ZNF518A: variants seen among roughly 807,000 people sequenced by gnomAD.
ZNF518A encodes the protein zinc finger protein 518.
A neutral mutation model predicts 102.7 loss-of-function variants in ZNF518A; 47 were observed. That is an observed-to-expected ratio of 0.46 (90% CI 0.36 to 0.58). The LOEUF (loss-of-function observed/expected upper bound fraction) is 0.58, where lower values mean the gene tolerates loss of function less well. Ranked by LOEUF, ZNF518A falls within the 20% of genes least tolerant of loss-of-function variation. ZNF518A has a pLI of 0.00. For synonymous variants in ZNF518A, 652 were observed against 594.6 expected (o/e 1.10, Z -1.40); for missense variants, 1,793 against 1,699.8 (o/e 1.05, Z -0.96).
rs782416514 is a variant in ZNF518A at position 96,158,950 on chromosome 10, G to A, written c.2628G>A (p.Glu876=). The change falls in exon 6 of 6, where the codon GAG becomes GAA. Residue 876 remains glutamate (E), a synonymous_variant. Coordinates refer to ENST00000316045, the MANE Select transcript of ZNF518A (RefSeq NM_001330736.2). ...SSIPQDVRDS[E]KMPRISGFGT... ...TACCACAAGATGTGAGAGATTCAGA[G>A]AAGATGCCTAGAATTTCAGGTTTTG... 1.4e-5 allele frequency: 22 copies of A among 1,613,564 alleles called. No homozygotes were observed. The highest frequency in any genetic ancestry group is 2.2e-5 in the East Asian group (1 of 44,878).
chr10:96,186,871 G>A (rs2083274874), intron 1 of ZNF518A, among the ~76,000 whole-genome samples: 1 of 152,060 alleles, frequency 6.6e-6, no homozygotes, highest in Non-Finnish European at 1.5e-5. Context: ...TTACTTTTAG[G>A]GTCATTCACA....
intron 1 of ZNF518A, among the ~76,000 whole-genome samples, chr10:96,186,873 T>C (rs2083274893): frequency 6.6e-6 from 1 of 152,202 alleles, no homozygotes; most frequent in African/African-American, 2.4e-5. Flanking sequence ...ACTTTTAGGG[T>C]CATTCACATA....
intron 1 of ZNF518A, among the ~76,000 whole-genome samples, chr10:96,180,496 TC>T (rs1554891923): frequency 7.0e-6 from 1 of 143,868 alleles, no homozygotes; most frequent in African/African-American, 2.5e-5. Context: ...CCCTCCCTCC[TC>T]CCCCCACCCC....
chr10:96,160,726 G>A lies in ZNF518A; in HGVS notation c.4404G>A (p.Gly1468=), dbSNP rs782100314. 1 of 1,605,266 alleles carries A rather than the reference G, an allele frequency of 6.2e-7. No individual in the cohort carries two copies. Among genetic ancestry groups the A allele is most frequent in the East Asian group, 2.2e-5 (1 of 44,812 alleles). ...ATCAGGATACTTGGGCTGGTCATGG[G>A]CAGAGACATTTAATGGAAGCTACTC... The part of the protein sequence containing the change: ...FDNQDTWAGH[G]QRHLMEATRD... The change falls in exon 6 of 6, where the codon GGG becomes GGA. Residue 1468 remains glycine, a synonymous_variant. Coordinates refer to ENST00000316045, the MANE Select transcript of ZNF518A (RefSeq NM_001330736.2).
intron 1 of ZNF518A, among the ~76,000 whole-genome samples, chr10:96,171,711 C>G (rs1285857480): frequency 1.3e-5 from 2 of 151,968 alleles, no homozygotes; most frequent in Non-Finnish European, 2.9e-5. Context: ...ATGTGGGACA[C>G]CATTAAGGGC....
intron 3 of ZNF518A, among the ~76,000 whole-genome samples, chr10:96,139,817 T>C (rs2081821208): frequency 6.6e-6 from 1 of 152,046 alleles, no homozygotes; most frequent in African/African-American, 2.4e-5. Flanking sequence ...TGACAGTGGA[T>C]AGGAAGAGAG....
intron 3 of ZNF518A, among the ~76,000 whole-genome samples, chr10:96,139,436 G>A: frequency 6.6e-6 from 1 of 152,118 alleles, no homozygotes; most frequent in Non-Finnish European, 1.5e-5. Flanking sequence ...CCTTATAAAA[G>A]AGACCCCAGA....
intron 3 of ZNF518A, among the ~76,000 whole-genome samples, chr10:96,152,082 C>T (rs781996982): frequency 4.6e-5 from 7 of 152,188 alleles, no homozygotes; most frequent in East Asian, 1.9e-4. Flanking sequence ...GAGGCCAAGG[C>T]GAGTGGATCG....
chr10:96,178,140 T>C (rs1554891688), intron 1 of ZNF518A, among the ~76,000 whole-genome samples: 2 of 152,134 alleles, frequency 1.3e-5, no homozygotes, highest in African/African-American at 4.8e-5. Context: ...TAAATGATTT[T>C]ACAGAACATT....
intron 3 of ZNF518A, among the ~76,000 whole-genome samples, chr10:96,146,309 G>C (rs1157685607): frequency 6.6e-6 from 1 of 152,152 alleles, no homozygotes; most frequent in Non-Finnish European, 1.5e-5. Context: ...TGCATTTCTA[G>C]AAGTGAATCA....
chr10:96,154,332 C>A (rs587751326), intron 3 of ZNF518A, among the ~76,000 whole-genome samples: 1 of 152,180 alleles, frequency 6.6e-6, no homozygotes, highest in Admixed American at 6.5e-5. Context: ...GAGACCCTGT[C>A]ATCAATCTTT....
Position 96,157,772 on chromosome 10 carries a change from T to C in ZNF518A, c.1450T>C (p.Leu484=), listed in dbSNP as rs2082767894. The change falls in exon 6 of 6, where the codon TTG becomes CTG. Residue 484 remains leucine (L), a synonymous_variant. Transcript: ENST00000316045. The part of the protein sequence containing the change: ...SGAAKDGTAN[L]QPQTLDTNGF... ...TGCTGCAAAGGACGGTACTGCTAAT[T>C]TGCAGCCCCAGACTTTGGACACTAA... is the stretch of plus-strand genomic sequence containing the variant. 2 of 1,613,870 alleles carry C rather than the reference T, an allele frequency of 1.2e-6. No individual in the cohort carries two copies. The highest frequency in any genetic ancestry group is 2.7e-5 in the African/African-American group (2 of 75,044).
chr10:96,135,037 A>G (rs1402183420), intron 3 of ZNF518A: 1 of 152,102 alleles, frequency 6.6e-6, no homozygotes, highest in Admixed American at 6.5e-5. Context: ...TTATAACCTG[A>G]GCTTGGTCAT....
rs2083727292 is a variant in ZNF518A at position 96,204,002 on chromosome 10, C to T, written n.173C>T. On this transcript the variant is annotated non_coding_transcript_exon_variant, in exon 3 of 3. Coordinates refer to the ZNF518A transcript ENST00000442635. ...TGTTAGAACCCAGGCCTATCAGACT[C>T]TAGGATCCAGCCTCGACCACTCCCT... 2.0e-6 allele frequency: 3 copies of T among 1,504,980 alleles called. No homozygotes were observed. The African/African-American group carries it at 4.1e-5, about 21-fold the overall frequency. The allele number at this position is 1,504,980 out of a possible 1,614,324, so 93.2% of individuals were successfully genotyped here. A position where few individuals can be genotyped will look rare whatever the true frequency, so the allele number is the denominator to read the frequency against.
chr10:96,170,076 G>A (rs1419536503), intron 1 of ZNF518A, among the ~76,000 whole-genome samples: 1 of 152,222 alleles, frequency 6.6e-6, no homozygotes, highest in Admixed American at 6.5e-5. Context: ...GTTGGCCATT[G>A]TGAGAGTTTA....
At chr10:96,177,163 G>T (rs34999669) in intron 1 of ZNF518A, among the ~76,000 whole-genome samples, 55,465 of 151,646 alleles carry the variant, frequency 0.37, 11,484 homozygotes, top group Middle Eastern at 0.54. Context: ...ACACATATGT[G>T]TTGAGAAACA....
chr10:96,178,254 A>G (rs1345349382), intron 1 of ZNF518A, among the ~76,000 whole-genome samples: 1 of 152,142 alleles, frequency 6.6e-6, no homozygotes, highest in Non-Finnish European at 1.5e-5. Flanking sequence ...CATGCAGAGT[A>G]TGTTATATCC....
At chr10:96,177,366 C>T (rs781911206) in intron 1 of ZNF518A, among the ~76,000 whole-genome samples, 39 of 152,248 alleles carry the variant, frequency 2.6e-4, no homozygotes, top group East Asian at 9.6e-4. Context: ...AGCACAACTG[C>T]GCTACCTTAA....
Position 96,158,691 on chromosome 10 carries a change from T to C in ZNF518A, c.2369T>C (p.Val790Ala), listed in dbSNP as rs782368634. The C allele has an allele frequency of 1.2e-6, 2 of 1,613,386 alleles. No individual in the cohort carries two copies. Among genetic ancestry groups the C allele is most frequent in the Non-Finnish European group, 1.7e-6 (2 of 1,179,610 alleles). ...GAAGTAAACCAATTGCTTCAGGATGTATTGAAAATAAAACCTGATGTAAAA... is the reference window on the plus strand; with the variant it reads ...GAAGTAAACCAATTGCTTCAGGATGCATTGAAAATAAAACCTGATGTAAAA... ...PPEVNQLLQD[V>A]LKIKPDVKQD... Residue 790 changes from valine to alanine, a missense_variant, in exon 6 of 6, where the codon GTA (valine) becomes GCA (alanine). Transcript: ENST00000316045.
Sources: allele counts gnomAD v4.1 joint callset (sites outside exome capture counted in the v4.1 genomes callset), GRCh38; gene constraint gnomAD v4.1.1; transcripts MANE v1.5; gene names NCBI Gene and HGNC (gene_info 2026-07-23, HGNC 2026-07-21).